The following SERPINB6 variants were observed in gnomAD, a reference collection of about 807,000 sequenced individuals.
The protein encoded by SERPINB6 is serpin B6.
In SERPINB6, 16 loss-of-function variants were observed where a neutral mutation model predicts 26.1. That is an observed-to-expected ratio of 0.61 (90% CI 0.42 to 0.93). SERPINB6 has a LOEUF of 0.93. Ranked by LOEUF, SERPINB6 falls within the 40% of genes least tolerant of loss-of-function variation. The pLI is 0.00. For synonymous variants in SERPINB6, 174 were observed against 176.6 expected (o/e 0.99, Z 0.11); for missense variants, 420 against 478.0 (o/e 0.88, Z 1.13).
intron 5 of SERPINB6, among the ~76,000 whole-genome samples, chr6:2,951,288 C>T (rs113633374): frequency 3.3e-5 from 5 of 151,304 alleles, no homozygotes; most frequent in African/African-American, 7.3e-5. Flanking sequence ...CAAGAGGCCA[C>T]GGCAGGAGAA....
chr6:2,958,401 G>A (rs762244635), intron 2 of SERPINB6, among the ~76,000 whole-genome samples: 4 of 152,154 alleles, frequency 2.6e-5, no homozygotes, highest in Non-Finnish European at 2.9e-5. Context: ...CCTCTCAGGC[G>A]CGGAGATGCC....
rs116829824 is a variant in SERPINB6, at chr6:2,966,347, T to C, written c.-11+5186A>G. The C allele has an allele frequency of 2.5e-3, 2,491 of 985,094 alleles. 39 individuals carry two copies. In the African/African-American group the frequency reaches 0.04, roughly 16 times the overall value. The allele number at this position is 985,094 out of a possible 1,614,324, so 61.0% of individuals were successfully genotyped here. On this transcript the variant is annotated intron_variant, in intron 1 of 6. Coordinates refer to ENST00000380539, the MANE Select transcript of SERPINB6 (RefSeq NM_004568.6). ...ATGTTTTTTTTTCTTCTTGTTCTAA[T>C]TGGCTGGTGGGAATCTCTTTAAATT... is the stretch of plus-strand genomic sequence containing the variant.
intron 1 of SERPINB6, chr6:2,966,340 G>A: frequency 2.0e-6 from 2 of 979,954 alleles, no homozygotes; most frequent in Non-Finnish European, 2.4e-6. Flanking sequence ...TTTTCTTCTT[G>A]TTCTAATTGG....
rs775962737 is a variant in SERPINB6, at chr6:2,948,402, CACACCGCAT to C, written c.1018_1026del (p.Met340_Cys342del). On this transcript the variant is annotated inframe_deletion, in exon 7 of 7. Transcript: ENST00000380539. The surrounding 1 kb of genome is among the most constrained non-coding windows in gnomAD (Gnocchi z 5.0). The stretch of plus-strand genomic sequence containing the variant: ...GCGCAGAAGCGGGGGACGAATCTGG[CACACCGCAT>C]CATCATGATGGCAGCTGTGGCGGCT... 6 of 1,614,190 alleles carry C rather than the reference CACACCGCAT, an allele frequency of 3.7e-6. No homozygotes were observed. Among genetic ancestry groups the C allele is most frequent in the Non-Finnish European group, 5.1e-6 (6 of 1,180,026 alleles).
At chr6:2,963,927 G>GT (rs895189138) in intron 1 of SERPINB6, 13 of 152,364 alleles carry the variant, frequency 8.5e-5, no homozygotes, top group African/African-American at 2.9e-4. Flanking sequence ...TGCCACTAGC[G>GT]TGTGTAATGC....
chr6:2,965,048 C>T (rs1461272392), intron 1 of SERPINB6, among the ~76,000 whole-genome samples: 1 of 152,178 alleles, frequency 6.6e-6, no homozygotes. Context: ...CGGTCCCGAT[C>T]CACAGGTTTG....
chr6:2,955,386 T>C, intron 3 of SERPINB6, 138 bp downstream of exon 3: 1 of 964,188 alleles, frequency 1.0e-6, no homozygotes, highest in Non-Finnish European at 1.6e-6. Flanking sequence ...ATTTAAAACA[T>C]ATTGGCAGGT....
intron 5 of SERPINB6, among the ~76,000 whole-genome samples, chr6:2,951,600 C>A (rs976962090): frequency 2.0e-5 from 3 of 152,050 alleles, no homozygotes; most frequent in Non-Finnish European, 4.4e-5. Flanking sequence ...ACTAAATACA[C>A]AATTATATAG....
chr6:2,963,231 A>C (rs1336645079), intron 1 of SERPINB6, among the ~76,000 whole-genome samples: 3 of 152,240 alleles, frequency 2.0e-5, no homozygotes, highest in Admixed American at 6.5e-5. Flanking sequence ...GAAAGACAAT[A>C]GCTAATAATT....
In SERPINB6 at chr6:2,948,301, C is replaced by T. The variant is rs727505227; in HGVS notation, c.1128G>A (p.Pro376=). ...GCACACCAAGACTGCCCTGTCCTCA[C>T]GGAGAGGAAAAGCGGCCGCAGAAGA... ...GILFCGRFSS[P] The change falls in exon 7 of 7, where the codon CCG becomes CCA. Residue 376 remains proline, a synonymous_variant. Coordinates refer to ENST00000380539, the MANE Select transcript of SERPINB6 (RefSeq NM_004568.6). This position sits in a 1 kb window ranked among gnomAD's most constrained non-coding sequence, Gnocchi z 5.0. 2.7e-5 allele frequency: 43 copies of T among 1,613,316 alleles called. No individual in the cohort carries two copies. In the East Asian group the frequency reaches 3.1e-4, roughly 12 times the overall value.
At chr6:2,961,828 C>A (rs984985194) in intron 1 of SERPINB6, 10 of 984,806 alleles carry the variant, frequency 1.0e-5, no homozygotes, top group Non-Finnish European at 1.1e-5. Context: ...CATGCTCCCC[C>A]AACCCCATCC....
chr6:2,955,583 G>A lies in SERPINB6; in HGVS notation c.253C>T (p.Gln85Ter). The A allele has an allele frequency of 1.2e-6, 2 of 1,614,248 alleles. No homozygotes were observed. Among genetic ancestry groups the A allele is most frequent in the Non-Finnish European group, 1.7e-6 (2 of 1,180,046 alleles). ...LLTEVNKTGT[Q>*]YLLRMANRLF... ...CTGTTGGCCATCCTAAGCAAGTACT[G>A]CGTGCCAGTCTTGTTCACTTCGGTG... is the stretch of plus-strand genomic sequence containing the variant. The change falls in exon 3 of 7, where the codon CAG becomes TAG. Residue 85 changes from glutamine (Q) to a stop codon, truncating the protein, a stop_gained. Transcript: ENST00000380539. LOFTEE classifies it high-confidence loss of function.
intron 1 of SERPINB6, chr6:2,968,630 T>C: frequency 8.2e-7 from 1 of 1,222,308 alleles, no homozygotes; most frequent in Non-Finnish European, 1.0e-6. Context: ...TGCCTATCTC[T>C]GGGGTCCTTT....
chr6:2,966,354 G>A (rs1174783370), intron 1 of SERPINB6: 2 of 986,350 alleles, frequency 2.0e-6, no homozygotes, highest in Non-Finnish European at 2.4e-6. Flanking sequence ...TAATTGGCTG[G>A]TGGGAATCTC....
In SERPINB6 at chr6:2,969,561, T is replaced by A. The variant is rs901936790; in HGVS notation, c.-11+1972A>T. On this transcript the variant is annotated intron_variant, in intron 1 of 6. Coordinates refer to ENST00000380539, the MANE Select transcript of SERPINB6 (RefSeq NM_004568.6). ...TCCTGGCATCACTTTTTTTTTCCTG[T>A]AGCATCACCAGTAACTGAGCAATGT... 6 of 985,298 alleles carry A rather than the reference T, an allele frequency of 6.1e-6. No individual in the cohort carries two copies. In the African/African-American group the frequency reaches 1.0e-4, roughly 17 times the overall value. The allele number at this position is 985,298 out of a possible 1,614,324, so 61.0% of individuals were successfully genotyped here.
chr6:2,968,983 C>T, intron 1 of SERPINB6: 1 of 1,218,842 alleles, frequency 8.2e-7, no homozygotes, highest in Non-Finnish European at 1.0e-6. Flanking sequence ...CCCCTCACGT[C>T]CCCACTGCCT....
chr6:2,966,370 A>T (rs1771644302), intron 1 of SERPINB6: 1 of 986,936 alleles, frequency 1.0e-6, no homozygotes, highest in Non-Finnish European at 1.2e-6. Flanking sequence ...ATCTCTTTAA[A>T]TTAGTTACTT....
At chr6:2,955,145 A>G (rs538041974) in intron 3 of SERPINB6, 168 of 280,786 alleles carry the variant, frequency 6.0e-4, no homozygotes, top group African/African-American at 3.6e-3. Context: ...AGCCGAGATC[A>G]GGCCACCACA....
chr6:2,948,796 G>A lies in SERPINB6; in HGVS notation c.730-97C>T. On this transcript the variant is annotated intron_variant, in intron 6 of 6. Transcript: ENST00000380539. This position sits in a 1 kb window ranked among gnomAD's most constrained non-coding sequence, Gnocchi z 5.0. ...GATGCCAGACACCAGTGGCAGCGTG[G>A]CTATGGTCAGCAGCGCTCCAGTGTT... The A allele has an allele frequency of 5.8e-6, 9 of 1,562,090 alleles. No individual in the cohort carries two copies. The highest frequency in any genetic ancestry group is 7.9e-6 in the Non-Finnish European group (9 of 1,135,150).
Sources: gnomAD v4.1 joint callset for allele counts (sites outside exome capture counted in the v4.1 genomes callset) on GRCh38, gnomAD v4.1.1 for gene constraint, Gnocchi (gnomAD v3.1) non-coding constraint, MANE v1.5 for transcripts, NCBI Gene and HGNC (gene_info 2026-07-23, HGNC 2026-07-21) for gene names.